The following FAM222A variants were observed in gnomAD, a reference collection of about 807,000 sequenced individuals.
FAM222A encodes the protein protein FAM222A.
Under a neutral mutation model 25.8 loss-of-function variants are expected in FAM222A, and 7 were observed. That is an observed-to-expected ratio of 0.27 (90% CI 0.15 to 0.51). The LOEUF (loss-of-function observed/expected upper bound fraction) is 0.51. FAM222A is among the 20% of genes least tolerant of loss of function. FAM222A has a pLI of 0.97. For missense variants in FAM222A, 573 were observed against 640.5 expected (o/e 0.89, Z 1.14); for synonymous variants, 294 against 298.8 (o/e 0.98, Z 0.17).
At chr12:109,719,337 A>G (rs375799186) in intron 1 of FAM222A, among the ~76,000 whole-genome samples, 32 of 152,206 alleles carry the variant, frequency 2.1e-4, no homozygotes, top group African/African-American at 7.5e-4. Context: ...TATGAGGTTC[A>G]TTGGCAGCCA....
rs1172434845 is a variant in FAM222A at position 109,768,297 on chromosome 12, A to G, written c.368A>G (p.Lys123Arg). 7 of 1,607,776 alleles carry G rather than the reference A, an allele frequency of 4.4e-6. No homozygotes were observed. Among genetic ancestry groups the G allele is most frequent in the Non-Finnish European group, 5.1e-6 (6 of 1,177,876 alleles). ...SSTAAPAGPA[K>R]SVLKSAEGKR... ...ACGGCCGCACCAGCTGGGCCCGCCA[A>G]AAGTGTGCTCAAGAGCGCCGAGGGC... The change falls in exon 3 of 3, where the codon AAA (lysine) becomes AGA (arginine). Residue 123 changes from lysine to arginine, a missense_variant. Coordinates refer to ENST00000538780, the MANE Select transcript of FAM222A (RefSeq NM_032829.3).
rs1223970273 is a variant in FAM222A, at chr12:109,720,176, G to A, written c.-47+5279G>A. 19 of 985,348 alleles carry A rather than the reference G, an allele frequency of 1.9e-5. No individual in the cohort carries two copies. In the South Asian group the frequency reaches 2.8e-4, roughly 15 times the overall value. The allele number at this position is 985,348 out of a possible 1,614,324, so 61.0% of individuals were successfully genotyped here. Reference sequence around the variant, plus strand: ...ACAGCAAGCCAGCATCCCAGCCGCAGCAGCTGTTTGGGGCCCTGGGGGCCC... The same window carrying A: ...ACAGCAAGCCAGCATCCCAGCCGCAACAGCTGTTTGGGGCCCTGGGGGCCC... On this transcript the variant is annotated intron_variant, in intron 1 of 2. Transcript: ENST00000538780.
intron 1 of FAM222A, among the ~76,000 whole-genome samples, chr12:109,726,910 C>T (rs1887853740): frequency 6.6e-6 from 1 of 152,192 alleles, no homozygotes; most frequent in Non-Finnish European, 1.5e-5. Context: ...GTTGTCTCAC[C>T]AGACCTCTGA....
At position 109,769,024 on chromosome 12, in the gene FAM222A, G is replaced by A. The variant is rs375490179; in HGVS notation, c.1095G>A (p.Ala365=). 2.5e-5 allele frequency: 39 copies of A among 1,581,590 alleles called. No individual in the cohort carries two copies. The highest frequency in any genetic ancestry group is 3.6e-5 in the Admixed American group (2 of 55,770). Residue 365 remains alanine, a synonymous_variant, in exon 3 of 3, where the codon GCG becomes GCA. Transcript: ENST00000538780. ...TPTSDCYNPA[A]AVVVTELGPG... is the part of the protein sequence containing the mutation. ...CCAGCGACTGCTACAACCCAGCGGC[G>A]GCGGTGGTGGTCACGGAGCTGGGGC...
At chr12:109,736,031 C>T (rs1421874336) in intron 1 of FAM222A, 3 of 152,308 alleles carry the variant, frequency 2.0e-5, no homozygotes, top group African/African-American at 4.8e-5. Context: ...AGTGACTGCC[C>T]CTCCTTCTGG....
At chr12:109,715,934 T>C (rs1007656182) in intron 1 of FAM222A, among the ~76,000 whole-genome samples, 3 of 152,114 alleles carry the variant, frequency 2.0e-5, no homozygotes, top group Non-Finnish European at 4.4e-5. Flanking sequence ...CCAAGGAAGG[T>C]GCAGAGGAGC....
chr12:109,727,045 G>T (rs901599384), intron 1 of FAM222A, among the ~76,000 whole-genome samples: 4 of 152,114 alleles, frequency 2.6e-5, no homozygotes, highest in Non-Finnish European at 4.4e-5. Flanking sequence ...TCCTGCCCAG[G>T]TTCCTCGTTC....
In FAM222A at chr12:109,768,012, G is replaced by A. The variant is rs1889106772; in HGVS notation, c.83G>A (p.Cys28Tyr). Residue 28 changes from cysteine to tyrosine, a missense_variant and splice_region_variant, in exon 3 of 3, where the codon TGC (cysteine) becomes TAC (tyrosine). Physicochemically the swap from Cys to Tyr is radical, Grantham distance 194. Around this residue, in one of 3 missense-constraint regions of FAM222A, gnomAD observed 112 missense variants for 154.6 expected, o/e 0.72. Transcript: ENST00000538780. ...CCTCACACCTGCTTTCCTCCCACAG[G>A]CGAGGCGGTGGCCAGCGCCATGCAT... ...CPSKSLELRK[C>Y]EAVASAMHSS... The A allele has an allele frequency of 1.2e-6, 2 of 1,611,258 alleles. No homozygotes were observed. Among genetic ancestry groups the A allele is most frequent in the African/African-American group, 1.3e-5 (1 of 75,044 alleles).
At chr12:109,746,340 T>G (rs1888397756) in intron 2 of FAM222A, among the ~76,000 whole-genome samples, 1 of 151,964 alleles carries the variant, frequency 6.6e-6, no homozygotes, top group Non-Finnish European at 1.5e-5. Flanking sequence ...AATACAAAAA[T>G]TATCCAGGCA....
intron 2 of FAM222A, among the ~76,000 whole-genome samples, chr12:109,763,644 C>T (rs140027356): frequency 8.5e-5 from 13 of 152,254 alleles, no homozygotes; most frequent in Non-Finnish European, 1.5e-4. Context: ...TCTGAGAGAG[C>T]GAGTGAGGAG....
intron 2 of FAM222A, among the ~76,000 whole-genome samples, chr12:109,748,332 TTC>T (rs147391577): frequency 0.066 from 3,156 of 47,890 alleles, 79 homozygotes; most frequent in East Asian, 0.18. Context: ...TTGGTTTTCT[TTC>T]TTTTTTTTTT....
intron 1 of FAM222A, among the ~76,000 whole-genome samples, chr12:109,727,675 G>A (rs968995674): frequency 2.0e-5 from 3 of 152,176 alleles, no homozygotes; most frequent in African/African-American, 7.2e-5. Context: ...GGGTGGGGAT[G>A]TGGCCGACTC....
chr12:109,730,072 T>C (rs952116705), intron 1 of FAM222A, among the ~76,000 whole-genome samples: 1 of 152,152 alleles, frequency 6.6e-6, no homozygotes, highest in African/African-American at 2.4e-5. Context: ...AAGGCCTCAG[T>C]CTGCCTTCGA....
At chr12:109,765,799 G>A (rs2136387086) in intron 2 of FAM222A, among the ~76,000 whole-genome samples, 1 of 152,352 alleles carries the variant, frequency 6.6e-6, no homozygotes, top group Middle Eastern at 3.4e-3. Context: ...AGTCCCACCT[G>A]TGCCTGTCTG....
At chr12:109,743,329 G>C (rs1160591420) in intron 1 of FAM222A, among the ~76,000 whole-genome samples, 2 of 152,232 alleles carry the variant, frequency 1.3e-5, no homozygotes, top group Non-Finnish European at 2.9e-5. Context: ...CTGAAGGCAA[G>C]TGTCTGTGTG....
chr12:109,750,576 G>A (rs1050819412), intron 2 of FAM222A, among the ~76,000 whole-genome samples: 5 of 151,990 alleles, frequency 3.3e-5, no homozygotes, highest in African/African-American at 1.2e-4. Flanking sequence ...TTATAATATA[G>A]CATCTGGTAT....
Position 109,768,820 on chromosome 12 carries a change from C to T in FAM222A, c.891C>T (p.Pro297=). 6.3e-7 allele frequency: 1 copy of T among 1,575,872 alleles called. No individual in the cohort carries two copies. Among genetic ancestry groups the T allele is most frequent in the Non-Finnish European group, 8.6e-7 (1 of 1,167,400 alleles). Residue 297 remains proline, a synonymous_variant, in exon 3 of 3, where the codon CCC becomes CCT. Transcript: ENST00000538780. The stretch of plus-strand genomic sequence containing the variant: ...CGCAGAAACCGCCCCCACCGCCGCC[C>T]CAGCCACTGCGTGCCTACAGTGGGA... ...LWPQKPPPPP[P]QPLRAYSGST...
chr12:109,767,919 G>A, intron 2 of FAM222A, 93 bp from the exon 3 acceptor site: 1 of 1,247,950 alleles, frequency 8.0e-7, no homozygotes, highest in African/African-American at 1.5e-5. Flanking sequence ...AAAATGAATG[G>A]GAAATGAGTG....
At chr12:109,755,574 C>T (rs992906848) in intron 2 of FAM222A, among the ~76,000 whole-genome samples, 15 of 151,924 alleles carry the variant, frequency 9.9e-5, no homozygotes, top group African/African-American at 2.2e-4. Flanking sequence ...GTGATCAGCC[C>T]GCCTCGGCCT....
Sources: allele counts gnomAD v4.1 joint callset (sites outside exome capture counted in the v4.1 genomes callset), GRCh38; gene constraint gnomAD v4.1.1; regional missense constraint gnomAD v4.1.1; transcripts MANE v1.5; gene names NCBI Gene and HGNC (gene_info 2026-07-23, HGNC 2026-07-21).